Variants in RNF24 observed in about 807,000 individuals in gnomAD.
RNF24 encodes the protein ring finger protein 24.
In RNF24, 14 loss-of-function variants were observed where a neutral mutation model predicts 20.0. The observed-to-expected ratio is 0.70, with a 90% CI of 0.46 to 1.10. The LOEUF (loss-of-function observed/expected upper bound fraction) is 1.10. Among genes scored for constraint, RNF24 ranks in the 50% least tolerant of loss-of-function variants. The probability of loss-of-function intolerance (pLI) is 0.00; values close to 1 mark genes in which losing one functional copy is unlikely to be tolerated. For missense variants in RNF24, 124 were observed against 177.6 expected (o/e 0.70, Z 1.71); for synonymous variants, 45 against 61.1 (o/e 0.74, Z 1.23).
chr20:4,014,271 A>T (rs78172246), intron 1 of RNF24, among the ~76,000 whole-genome samples: 2 of 152,250 alleles, frequency 1.3e-5, no homozygotes, highest in African/African-American at 4.8e-5. Flanking sequence ...GGGAAAAAAA[A>T]GCAAGGAGGT....
chr20:3,930,864 C>G lies in RNF24; in HGVS notation c.*3199G>C, dbSNP rs1334857225. ...AGGGTATCCGGCAATGGTGGGAGGT[C>G]CCCTGTATCCCTCAGCTCAGACCTT... On this transcript the variant is annotated 3_prime_UTR_variant, in exon 6 of 6. Transcript: ENST00000358395. The G allele has an allele frequency of 2.6e-5, 4 of 152,196 alleles. No homozygotes were observed. The highest frequency in any genetic ancestry group is 9.7e-5 in the African/African-American group (4 of 41,442). The allele number at this position is 152,196 out of a possible 1,614,324, so 9.4% of individuals were successfully genotyped here.
In RNF24 at chr20:3,928,880, T is replaced by C. The variant is rs2090773623; in HGVS notation, c.*5183A>G. The C allele has an allele frequency of 6.6e-6, 1 of 150,622 alleles. No homozygotes were observed. The highest frequency in any genetic ancestry group is 1.5e-5 in the Non-Finnish European group (1 of 67,704). The allele number at this position is 150,622 out of a possible 1,614,324, so 9.3% of individuals were successfully genotyped here. On this transcript the variant is annotated 3_prime_UTR_variant, in exon 6 of 6. Transcript: ENST00000358395. ...TTGTGTGTTTTTTTGAGACGGAGTC[T>C]CGCTCTGTTGCCCAGGCTGGAGTGC...
rs552212638 is a variant in RNF24 at position 3,968,077 on chromosome 20, G to A, written c.-7-4053C>T. ...TCCCAGCACTTTGGGAGGCCCAGGT[G>A]GGCAGATCACGAGGTCAGGAGTTCG... On this transcript the variant is annotated intron_variant, in intron 1 of 5. Coordinates refer to ENST00000358395, the MANE Select transcript of RNF24 (RefSeq NM_001134337.3). Among the ~76,000 whole-genome samples the A allele has an allele frequency of 9.5e-4, 145 of 152,036 alleles. 1 individual carries two copies. Among genetic ancestry groups the A allele is most frequent in the Non-Finnish European group, 1.9e-3 (130 of 67,996 alleles).
chr20:3,988,005 T>G (rs980861620), intron 1 of RNF24, among the ~76,000 whole-genome samples: 1 of 151,588 alleles, frequency 6.6e-6, no homozygotes, highest in African/African-American at 2.4e-5. Context: ...CAGCAGCAGC[T>G]TAAAATAAAA....
At chr20:3,993,122 T>G (rs575817788) in intron 1 of RNF24, among the ~76,000 whole-genome samples, 1 of 152,294 alleles carries the variant, frequency 6.6e-6, no homozygotes, top group East Asian at 1.9e-4. Context: ...TTTTACATTG[T>G]GCTTTAGAGT....
chr20:4,010,408 C>T (rs919420651), intron 1 of RNF24, among the ~76,000 whole-genome samples: 3 of 152,108 alleles, frequency 2.0e-5, no homozygotes, highest in African/African-American at 4.8e-5. Context: ...ATGAGATAAA[C>T]ACAAAAATAC....
Position 3,934,856 on chromosome 20 carries a change from AG to A in RNF24, c.308+137del. 6.1e-6 allele frequency: 4 copies of A among 657,216 alleles called. No homozygotes were observed. Among genetic ancestry groups the A allele is most frequent in the Non-Finnish European group, 2.8e-6 (1 of 360,292 alleles). 40.7% of individuals were successfully genotyped at this position (657,216 alleles called of 1,614,324 possible). A position where few individuals can be genotyped will look rare whatever the true frequency, so the allele number is the denominator to read the frequency against. On this transcript the variant is annotated intron_variant, in intron 5 of 5. Coordinates refer to ENST00000358395, the MANE Select transcript of RNF24 (RefSeq NM_001134337.3). The surrounding 1 kb of genome is among the most constrained non-coding windows in gnomAD (Gnocchi z 4.0). Reference sequence around the variant, plus strand: ...GCACACACACACACATCCCACCTGTAGGGTGCTGTCAGCTTTCTGCATTACA... The same window carrying A: ...GCACACACACACACATCCCACCTGTAGGTGCTGTCAGCTTTCTGCATTACA...
Position 3,931,712 on chromosome 20 carries a change from C to T in RNF24, c.*2351G>A, listed in dbSNP as rs241602. 0.53 allele frequency: 80,249 copies of T among 152,120 alleles called. 22,115 individuals carry two copies. Among genetic ancestry groups the T allele is most frequent in the African/African-American group, 0.69 (28,689 of 41,496 alleles). The allele number at this position is 152,120 out of a possible 1,614,324, so 9.4% of individuals were successfully genotyped here. A position where few individuals can be genotyped will look rare whatever the true frequency, so the allele number is the denominator to read the frequency against. The stretch of plus-strand genomic sequence containing the variant: ...CTAGCAGAATGAATGCATTTTAAAA[C>T]CAGTCCACATTCACATGTGCTGAGA... On this transcript the variant is annotated 3_prime_UTR_variant, in exon 6 of 6. Transcript: ENST00000358395.
At position 4,010,983 on chromosome 20, in the gene RNF24, G is replaced by A. The variant is rs116053759; in HGVS notation, c.-8+4454C>T. Among the ~76,000 whole-genome samples the A allele has an allele frequency of 3.9e-3, 601 of 152,316 alleles. 2 individuals are homozygous for A. The highest frequency in any genetic ancestry group is 0.014 in the African/African-American group (582 of 41,568). On this transcript the variant is annotated intron_variant, in intron 1 of 5. Coordinates refer to ENST00000358395, the MANE Select transcript of RNF24 (RefSeq NM_001134337.3). ...GCACAAAGAATAGCATATTGGGTGA[G>A]ATGGGGGGAGTATGCACACACATAC...
At chr20:3,951,189 C>T (rs904655438) in intron 2 of RNF24, among the ~76,000 whole-genome samples, 1 of 152,186 alleles carries the variant, frequency 6.6e-6, no homozygotes, top group Non-Finnish European at 1.5e-5. Flanking sequence ...AATCTCCTGA[C>T]CTCGTTATCC....
rs34868373 is a variant in RNF24 at position 3,982,103 on chromosome 20, GTCTCTCTCTCTC to G, written c.-7-18091_-7-18080del. Among the ~76,000 whole-genome samples the G allele has an allele frequency of 6.6e-5, 9 of 137,118 alleles. No individual in the cohort carries two copies. The East Asian group carries it at 8.3e-4, about 13-fold the overall frequency. The allele number at this position is 137,118 out of a possible 152,430, so 90.0% of individuals were successfully genotyped here. On this transcript the variant is annotated intron_variant, in intron 1 of 5. Coordinates refer to ENST00000358395, the MANE Select transcript of RNF24 (RefSeq NM_001134337.3). ...AGCCTGGGCAACAGGGTGAGACCTC[GTCTCTCTCTCTC>G]TCTCTCTCTCTCTCTCTCTCAATAA...
chr20:3,982,165 A>G (rs1410697705), intron 1 of RNF24, among the ~76,000 whole-genome samples: 1 of 151,356 alleles, frequency 6.6e-6, no homozygotes, highest in African/African-American at 2.4e-5. Context: ...GCTATTGTGA[A>G]GTTAATTGAA....
intron 1 of RNF24, among the ~76,000 whole-genome samples, chr20:3,970,774 G>C (rs146000900): frequency 1.3e-5 from 2 of 152,154 alleles, no homozygotes; most frequent in African/African-American, 4.8e-5. Flanking sequence ...GGCCAGGCAC[G>C]GTGACTCACA....
At chr20:4,013,165 C>T (rs560382463) in intron 1 of RNF24, among the ~76,000 whole-genome samples, 3 of 151,804 alleles carry the variant, frequency 2.0e-5, no homozygotes, top group African/African-American at 4.8e-5. Flanking sequence ...TTTTTTTACT[C>T]TTACAAAAAA....
At position 3,963,897 on chromosome 20, in the gene RNF24, G is replaced by C. The variant is rs374654882; in HGVS notation, c.121C>G (p.Leu41Val). The C allele has an allele frequency of 2.1e-5, 33 of 1,594,684 alleles. No individual in the cohort carries two copies. Among genetic ancestry groups the C allele is most frequent in the Non-Finnish European group, 2.7e-5 (32 of 1,170,126 alleles). ...TACCTAATCAAGTAGCAACAGAAGA[G>C]TAAACTAAGGATGAAGACAAATATA... is the stretch of plus-strand genomic sequence containing the variant. The part of the protein sequence containing the change: ...TAIFVFILSL[L>V]FCCYLIRLRH... The change falls in exon 2 of 6, where the codon CTC becomes GTC. Residue 41 changes from leucine to valine, a missense_variant. Leu to Val is a conservative substitution (Grantham distance 32). Transcript: ENST00000358395.
intron 2 of RNF24, among the ~76,000 whole-genome samples, chr20:3,952,622 T>C (rs1394511351): frequency 1.3e-5 from 2 of 150,616 alleles, no homozygotes; most frequent in African/African-American, 4.9e-5. Flanking sequence ...CCCTCCAGTA[T>C]GATGCTAAAT....
chr20:3,983,407 T>G (rs6037709), intron 1 of RNF24, among the ~76,000 whole-genome samples: 1 of 152,074 alleles, frequency 6.6e-6, no homozygotes, highest in Admixed American at 6.5e-5. Context: ...ACTGGTTATT[T>G]CTAGCATTTA....
chr20:3,988,363 G>A (rs1980115366), intron 1 of RNF24, among the ~76,000 whole-genome samples: 1 of 151,572 alleles, frequency 6.6e-6, no homozygotes, highest in Non-Finnish European at 1.5e-5. Context: ...AAAAAAATTG[G>A]TGTGTCCAGT....
intron 2 of RNF24, among the ~76,000 whole-genome samples, chr20:3,954,954 C>G (rs1413723259): frequency 6.6e-6 from 1 of 151,944 alleles, no homozygotes. Flanking sequence ...TTCACAGCAG[C>G]TGCATCATTT....
Sources: gnomAD v4.1 joint callset for allele counts (sites outside exome capture counted in the v4.1 genomes callset) on GRCh38, gnomAD v4.1.1 for gene constraint, Gnocchi (gnomAD v3.1) non-coding constraint, MANE v1.5 for transcripts, NCBI Gene and HGNC (gene_info 2026-07-23, HGNC 2026-07-21) for gene names.